The following PPARD variants were observed in gnomAD, a reference collection of about 807,000 sequenced individuals.
PPARD encodes peroxisome proliferator-activated receptor delta.
In PPARD, 6 loss-of-function variants were observed where a neutral mutation model predicts 39.5. That is an observed-to-expected ratio of 0.15 (90% confidence interval 0.08 to 0.30). PPARD has a LOEUF of 0.30. PPARD is among the 10% of genes least tolerant of loss of function. The pLI is 1.00. For synonymous variants in PPARD, 210 were observed against 231.3 expected, an observed-to-expected ratio of 0.91 and a Z score of 0.83; for missense variants, 397 against 596.8, an observed-to-expected ratio of 0.67 and a Z score of 3.49.
intron 2 of PPARD, among the ~76,000 whole-genome samples, chr6:35,373,739 CTCA>C (rs1307169180): frequency 1.4e-4 from 21 of 151,756 alleles, no homozygotes; most frequent in African/African-American, 3.9e-4. Flanking sequence ...GCAATCTCAG[CTCA>C]CAGCAGCCCT....
chr6:35,350,594 T>C (rs2150431364), intron 2 of PPARD, among the ~76,000 whole-genome samples: 1 of 151,886 alleles, frequency 6.6e-6, no homozygotes, highest in Non-Finnish European at 1.5e-5. Flanking sequence ...CTCTATTCTG[T>C]TCCATTGGTC....
chr6:35,419,613 A>C (rs1294692719), intron 3 of PPARD, among the ~76,000 whole-genome samples: 1 of 152,332 alleles, frequency 6.6e-6, no homozygotes, highest in African/African-American at 2.4e-5. Context: ...CTATGCAAGA[A>C]TAGAACTTCC....
chr6:35,380,332 G>T (rs1479156692), intron 2 of PPARD, among the ~76,000 whole-genome samples: 1 of 152,146 alleles, frequency 6.6e-6, no homozygotes, highest in East Asian at 1.9e-4. Flanking sequence ...ACATCTCACA[G>T]TGAGATAGAA....
At chr6:35,356,006 C>G (rs1053472118) in intron 2 of PPARD, among the ~76,000 whole-genome samples, 1 of 151,974 alleles carries the variant, frequency 6.6e-6, no homozygotes, top group African/African-American at 2.4e-5. Flanking sequence ...CTCCTAACTT[C>G]TACCCAGCCT....
chr6:35,346,819 C>T (rs944007466), intron 1 of PPARD, among the ~76,000 whole-genome samples: 6 of 152,218 alleles, frequency 3.9e-5, no homozygotes, highest in African/African-American at 1.2e-4. Flanking sequence ...CCTTCTGCGC[C>T]GACCTGATAA....
At chr6:35,370,283 T>G (rs1453972680) in intron 2 of PPARD, among the ~76,000 whole-genome samples, 1 of 152,184 alleles carries the variant, frequency 6.6e-6, no homozygotes, top group African/African-American at 2.4e-5. Flanking sequence ...TGGTATTGTA[T>G]CGTTTCCTGT....
intron 2 of PPARD, among the ~76,000 whole-genome samples, chr6:35,399,245 CA>C (rs1183766412): frequency 1.3e-5 from 2 of 151,574 alleles, no homozygotes; most frequent in African/African-American, 4.9e-5. Context: ...ACTAAAAATA[CA>C]AAAATTAGCT....
At position 35,424,268 on chromosome 6, in the gene PPARD, C is replaced by T. The variant is rs1766419292; in HGVS notation, c.628-61C>T. The T allele has an allele frequency of 6.3e-7, 1 of 1,596,090 alleles. No homozygotes were observed. Among genetic ancestry groups the T allele is most frequent in the Non-Finnish European group, 8.6e-7 (1 of 1,169,234 alleles). On this transcript the variant is annotated intron_variant, in intron 6 of 7. Coordinates refer to ENST00000360694, the MANE Select transcript of PPARD (RefSeq NM_006238.5). The surrounding 1 kb of genome is among the most constrained non-coding windows in gnomAD (Gnocchi z 7.1). Reference sequence around the variant, plus strand: ...TCAACTTCATGGTGCAGGCAAGGGACATGGGGAGCACAGGGTGGGGGTCTC... The same window carrying T: ...TCAACTTCATGGTGCAGGCAAGGGATATGGGGAGCACAGGGTGGGGGTCTC...
At chr6:35,362,759 T>A (rs1313809295) in intron 2 of PPARD, among the ~76,000 whole-genome samples, 1 of 152,004 alleles carries the variant, frequency 6.6e-6, no homozygotes, top group African/African-American at 2.4e-5. Flanking sequence ...GGAAGACGCC[T>A]GGAGAATAAG....
intron 2 of PPARD, chr6:35,348,762 T>C (rs1761036897): frequency 1.0e-6 from 1 of 985,204 alleles, no homozygotes; most frequent in African/African-American, 1.7e-5. Context: ...TTCAAACCCA[T>C]ACCAAGTGCT....
intron 3 of PPARD, 87 bp downstream of exon 3, chr6:35,411,304 G>A (rs1765411449): frequency 7.5e-7 from 1 of 1,339,052 alleles, no homozygotes; most frequent in Non-Finnish European, 9.7e-7. Context: ...ACGCCATCAT[G>A]TGGGGCGCAG....
At chr6:35,397,761 T>C (rs1764434755) in intron 2 of PPARD, among the ~76,000 whole-genome samples, 1 of 152,136 alleles carries the variant, frequency 6.6e-6, no homozygotes, top group Non-Finnish European at 1.5e-5. Flanking sequence ...CTCTGCCAGA[T>C]AGCCATAAGA....
At chr6:35,343,119 CGA>C (rs140486143) in intron 1 of PPARD, among the ~76,000 whole-genome samples, 8,954 of 152,094 alleles carry the variant, frequency 0.059, 858 homozygotes, top group African/African-American at 0.2. Flanking sequence ...CCCTATCTAG[CGA>C]GAGTCTTCTC....
At chr6:35,391,814 A>G (rs185155376) in intron 2 of PPARD, among the ~76,000 whole-genome samples, 5 of 152,176 alleles carry the variant, frequency 3.3e-5, no homozygotes, top group African/African-American at 1.2e-4. Flanking sequence ...GTATAAGGAA[A>G]TAGACACTCA....
intron 1 of PPARD, among the ~76,000 whole-genome samples, chr6:35,346,728 G>A (rs1197502070): frequency 6.6e-6 from 1 of 152,184 alleles, no homozygotes; most frequent in Non-Finnish European, 1.5e-5. Flanking sequence ...TTCTGCAGGG[G>A]CTTTGGTGAA....
chr6:35,351,661 C>T (rs1352757013), intron 2 of PPARD, among the ~76,000 whole-genome samples: 3 of 151,884 alleles, frequency 2.0e-5, no homozygotes, highest in African/African-American at 7.3e-5. Context: ...TCAAGTAATC[C>T]TCCTGCCTCA....
intron 2 of PPARD, among the ~76,000 whole-genome samples, chr6:35,382,744 G>A (rs1763220635): frequency 6.6e-6 from 1 of 152,152 alleles, no homozygotes; most frequent in Non-Finnish European, 1.5e-5. Context: ...CTGGCACAGT[G>A]CAATCCTTAT....
intron 2 of PPARD, among the ~76,000 whole-genome samples, chr6:35,368,390 G>C (rs550391786): frequency 6.6e-6 from 1 of 152,160 alleles, no homozygotes; most frequent in Non-Finnish European, 1.5e-5. Context: ...GCCCTATTTT[G>C]AGTTATCCCA....
chr6:35,418,624 C>T (rs1475080082), intron 3 of PPARD, among the ~76,000 whole-genome samples: 2 of 152,210 alleles, frequency 1.3e-5, no homozygotes, highest in African/African-American at 4.8e-5. Context: ...AAAGCGGCTT[C>T]ACCCTCCCAG....
Sources: gnomAD v4.1 joint callset for allele counts (sites outside exome capture counted in the v4.1 genomes callset) on GRCh38, gnomAD v4.1.1 for gene constraint, Gnocchi (gnomAD v3.1) non-coding constraint, MANE v1.5 for transcripts, NCBI Gene and HGNC (gene_info 2026-07-23, HGNC 2026-07-21) for gene names.